Variants in ANKRD42 observed in about 807,000 individuals in gnomAD.
ANKRD42 encodes ankyrin repeat domain-containing protein 42.
A neutral mutation model predicts 51.5 loss-of-function variants in ANKRD42; 43 were observed. The observed-to-expected ratio is 0.83, with a 90% CI of 0.65 to 1.08. ANKRD42 has a LOEUF of 1.08. Ranked by LOEUF, ANKRD42 falls within the 50% of genes least tolerant of loss-of-function variation. The pLI, the probability that ANKRD42 is intolerant of heterozygous loss-of-function variation, is 0.00. For missense variants in ANKRD42, 608 were observed against 629.3 expected (o/e 0.97, Z 0.36); for synonymous variants, 203 against 213.0 (o/e 0.95, Z 0.41).
chr11:83,237,433 G>A (rs1219839901), intron 8 of ANKRD42, among the ~76,000 whole-genome samples: 1 of 152,216 alleles, frequency 6.6e-6, no homozygotes, highest in Non-Finnish European at 1.5e-5. Context: ...AAGCGTAAGT[G>A]TAAATGTAAG....
intron 2 of ANKRD42, among the ~76,000 whole-genome samples, chr11:83,204,805 A>G (rs1481456903): frequency 2.0e-5 from 3 of 152,134 alleles, no homozygotes; most frequent in Non-Finnish European, 4.4e-5. Context: ...TATATAAGGA[A>G]CTCTCAGAAC....
At chr11:83,262,497 T>G (rs1256299160), downstream of ANKRD42, among the ~76,000 whole-genome samples, 1 of 152,200 alleles carries the variant, frequency 6.6e-6, no homozygotes, top group Admixed American at 6.5e-5. Flanking sequence ...GTTAATATAC[T>G]ACCTGTACTT....
chr11:83,197,412 G>A (rs1861700637), intron 1 of ANKRD42, among the ~76,000 whole-genome samples: 1 of 152,154 alleles, frequency 6.6e-6, no homozygotes. Context: ...TTTGCTAAGA[G>A]CAAAGATATA....
chr11:83,253,001 G>A (rs989967508), downstream of ANKRD42, among the ~76,000 whole-genome samples: 12 of 152,096 alleles, frequency 7.9e-5, no homozygotes, highest in African/African-American at 2.7e-4. Flanking sequence ...ACAGCTTTGG[G>A]CCATGTTTGC....
At chr11:83,254,430 C>CT (rs778427623) in intron 11 of ANKRD42, among the ~76,000 whole-genome samples, 32,516 of 129,814 alleles carry the variant, frequency 0.25, 4,580 homozygotes, top group Middle Eastern at 0.42. Context: ...TTTCTTTTTT[C>CT]TTTTCTTTTT....
chr11:83,241,255 T>C (rs1272253522), intron 9 of ANKRD42, among the ~76,000 whole-genome samples: 1 of 152,172 alleles, frequency 6.6e-6, no homozygotes, highest in Non-Finnish European at 1.5e-5. Context: ...ATGATTGTTA[T>C]AGATAATAAT....
At chr11:83,251,794 C>A (rs1863679638), downstream of ANKRD42, among the ~76,000 whole-genome samples, 1 of 152,018 alleles carries the variant, frequency 6.6e-6, no homozygotes, top group Non-Finnish European at 1.5e-5. Context: ...AAATGTTACA[C>A]TATAAGTTCA....
At chr11:83,230,537 C>G (rs1434675085) in intron 7 of ANKRD42, among the ~76,000 whole-genome samples, 2 of 151,992 alleles carry the variant, frequency 1.3e-5, no homozygotes, top group Non-Finnish European at 2.9e-5. Context: ...CTTATTTCAC[C>G]TAACATGATG....
At chr11:83,257,207 T>C, downstream of ANKRD42, 1 of 411,890 alleles carries the variant, frequency 2.4e-6, no homozygotes, top group Non-Finnish European at 4.8e-6. Flanking sequence ...CAAAATGGCT[T>C]TAGTGTCCAT....
intron 5 of ANKRD42, chr11:83,212,658 C>T (rs749564338): frequency 1.3e-6 from 2 of 1,536,038 alleles, no homozygotes; most frequent in African/African-American, 2.7e-5. Context: ...TTTAGAACCT[C>T]CTTAGATCCC....
intron 7 of ANKRD42, 63 bp downstream of exon 7, chr11:83,227,935 G>GTCT: frequency 6.6e-7 from 1 of 1,515,452 alleles, no homozygotes; most frequent in South Asian, 1.4e-5. Context: ...ATCTTTTAAA[G>GTCT]TAATTATCAG....
At chr11:83,229,361 T>G (rs1196848230) in intron 7 of ANKRD42, among the ~76,000 whole-genome samples, 2 of 152,072 alleles carry the variant, frequency 1.3e-5, no homozygotes, top group African/African-American at 4.8e-5. Flanking sequence ...ACATATGAAT[T>G]TTGAGGGGAA....
chr11:83,209,996 T>C, intron 3 of ANKRD42: 1 of 362,468 alleles, frequency 2.8e-6, no homozygotes. Context: ...TGCCGGGTGT[T>C]GTATGTATGG....
intron 2 of ANKRD42, among the ~76,000 whole-genome samples, chr11:83,199,229 A>AC (rs1861776661): frequency 6.6e-6 from 1 of 152,074 alleles, no homozygotes. Context: ...GTCCCTAAGT[A>AC]CCCCTCTCAG....
chr11:83,212,594 C>A, intron 5 of ANKRD42: 1 of 1,335,848 alleles, frequency 7.5e-7, no homozygotes, highest in Non-Finnish European at 1.0e-6. Context: ...GAAACAAACA[C>A]ACAAAGGGGA....
At chr11:83,256,042 G>C in exon 12 of ANKRD42, 1 of 746,858 alleles carries the variant, frequency 1.3e-6, no homozygotes, top group Non-Finnish European at 2.0e-6. Context: ...ATATGCTTCT[G>C]TTCCAATTCT....
chr11:83,227,850 T>G lies in ANKRD42; in HGVS notation c.891T>G (p.Asn297Lys), dbSNP rs1467531457. Residue 297 changes from asparagine (N) to lysine (K), a missense_variant, in exon 7 of 11, where the codon AAT (asparagine) becomes AAG (lysine). Asn to Lys is a moderately conservative substitution (Grantham distance 94). Coordinates refer to ENST00000533342, the MANE Select transcript of ANKRD42 (RefSeq NM_001300975.2). ...GVININERAD[N>K]GSTPMHKAAG... is the part of the protein sequence containing the mutation. Reference sequence around the variant, plus strand: ...TCAATATTAATGAGCGTGCTGATAATGGATCAACTCCTATGCATAAAGGTG... The same window carrying G: ...TCAATATTAATGAGCGTGCTGATAAGGGATCAACTCCTATGCATAAAGGTG... 1 of 1,611,488 alleles carries G rather than the reference T, an allele frequency of 6.2e-7. No individual in the cohort carries two copies. Among genetic ancestry groups the G allele is most frequent in the Non-Finnish European group, 8.5e-7 (1 of 1,179,282 alleles).
intron 5 of ANKRD42, among the ~76,000 whole-genome samples, chr11:83,216,998 C>T (rs182661899): frequency 9.2e-5 from 13 of 141,596 alleles, no homozygotes; most frequent in East Asian, 6.1e-4. Context: ...TTAGGCCAGT[C>T]GGAGACCAAC....
rs747786263 is a variant in ANKRD42, at chr11:83,220,234, C to T, written c.587-4621C>T. Among the ~76,000 whole-genome samples the T allele has an allele frequency of 2.5e-4, 38 of 152,296 alleles. 1 individual carries two copies. Among genetic ancestry groups the T allele is most frequent in the Middle Eastern group, 3.4e-3 (1 of 294 alleles). On this transcript the variant is annotated intron_variant, in intron 5 of 10. Transcript: ENST00000533342. The stretch of plus-strand genomic sequence containing the variant: ...CCAGGCCAACTAAAGCTCCCAACCC[C>T]GAAGGGTCGGGGGTTGTTAGAGAGC...
Sources: gnomAD v4.1 joint callset for allele counts (sites outside exome capture counted in the v4.1 genomes callset) on GRCh38, gnomAD v4.1.1 for gene constraint, MANE v1.5 for transcripts, NCBI Gene and HGNC (gene_info 2026-07-23, HGNC 2026-07-21) for gene names.